MTTP: variants seen among roughly 807,000 people sequenced by gnomAD.
The protein encoded by MTTP is microsomal triglyceride transfer protein, also known as microsomal triglyceride transfer protein large subunit.
Under a neutral mutation model 90.6 loss-of-function variants are expected in MTTP, and 49 were observed. The ratio of observed to expected loss-of-function variants is 0.54; its 90% CI spans 0.43 to 0.69. MTTP has a LOEUF of 0.69. MTTP is among the 30% of genes least tolerant of loss of function. The pLI is 0.00. For missense variants in MTTP, 945 were observed against 1,067.5 expected, an observed-to-expected ratio of 0.89 and a Z score of 1.60; for synonymous variants, 347 against 384.2, an observed-to-expected ratio of 0.90 and a Z score of 1.13.
At chr4:99,609,112 C>T in intron 12 of MTTP, 135 bp downstream of exon 12, 2 of 866,770 alleles carry the variant, frequency 2.3e-6, no homozygotes, top group Admixed American at 3.9e-5. Context: ...GCCAGATTTC[C>T]CATAATAGGG....
At chr4:99,606,546 T>A (rs571501726) in intron 10 of MTTP, among the ~76,000 whole-genome samples, 2 of 152,304 alleles carry the variant, frequency 1.3e-5, no homozygotes, top group South Asian at 4.1e-4. Flanking sequence ...AGAATGTATA[T>A]GTATTTTTTT....
chr4:99,607,565 A>G (rs1211511173), intron 11 of MTTP, among the ~76,000 whole-genome samples: 2 of 152,198 alleles, frequency 1.3e-5, no homozygotes, highest in African/African-American at 4.8e-5. Context: ...ACATCTACAT[A>G]TCTGAGAGCA....
At position 99,601,671 on chromosome 4, in the gene MTTP, C is replaced by T. The variant is rs1467372840; in HGVS notation, c.1301C>T (p.Thr434Ile). 2.1e-5 allele frequency: 34 copies of T among 1,612,914 alleles called. No individual in the cohort carries two copies. The Admixed American group carries it at 5.0e-4, about 24-fold the overall frequency. The change falls in exon 10 of 18, where the codon ACA (threonine) becomes ATA (isoleucine). Residue 434 changes from threonine to isoleucine, a missense_variant. Thr to Ile is a moderately conservative substitution (Grantham distance 89). Transcript: ENST00000265517. ...IRETVMIITG[T>I]LVRKLCQNEG... is the part of the protein sequence containing the mutation. Reference sequence around the variant, plus strand: ...GAAACTGTTATGATCATCACTGGGACACTTGTCAGAAAGTTGTGTCAGAAT... The same window carrying T: ...GAAACTGTTATGATCATCACTGGGATACTTGTCAGAAAGTTGTGTCAGAAT...
At chr4:99,593,868 A>G (rs1013721663) in intron 6 of MTTP, among the ~76,000 whole-genome samples, 6 of 152,202 alleles carry the variant, frequency 3.9e-5, no homozygotes, top group Admixed American at 3.3e-4. Context: ...ATTGCTATGT[A>G]ACAACCCCAG....
chr4:99,618,946 T>C, intron 15 of MTTP, 28 bp from the exon 16 acceptor site: 1 of 1,606,994 alleles, frequency 6.2e-7, no homozygotes, highest in Non-Finnish European at 8.5e-7. Context: ...ATTATTTTTA[T>C]AACTATTATT....
intron 8 of MTTP, among the ~76,000 whole-genome samples, 158 bp from the exon 9 acceptor site, chr4:99,600,407 T>G (rs1364201597): frequency 6.6e-6 from 1 of 152,056 alleles, no homozygotes; most frequent in East Asian, 1.9e-4. Flanking sequence ...GGGAGGGGTC[T>G]TTTTGAGAAA....
At chr4:99,601,262 G>A (rs531737868) in intron 9 of MTTP, among the ~76,000 whole-genome samples, 14 of 148,610 alleles carry the variant, frequency 9.4e-5, no homozygotes, top group African/African-American at 3.4e-4. Flanking sequence ...TTCAGAATCT[G>A]ATAAAAGTGA....
chr4:99,609,884 T>G (rs1482677937), intron 12 of MTTP, among the ~76,000 whole-genome samples: 1 of 152,140 alleles, frequency 6.6e-6, no homozygotes, highest in Admixed American at 6.5e-5. Context: ...AGCTTCTCCA[T>G]TTCTTTGTTT....
chr4:99,591,591 C>G, intron 5 of MTTP, 60 bp from the exon 6 acceptor site: 1 of 1,555,756 alleles, frequency 6.4e-7, no homozygotes. Context: ...TGCTATTTGA[C>G]TTGATTCAAT....
chr4:99,591,909 T>C (rs1235578889), intron 6 of MTTP, 119 bp downstream of exon 6: 6 of 905,210 alleles, frequency 6.6e-6, no homozygotes, highest in Non-Finnish European at 1.0e-5. Context: ...CATGCATTGC[T>C]TAACAATGGG....
chr4:99,587,958 G>C (rs1468940857), intron 3 of MTTP, among the ~76,000 whole-genome samples: 1 of 152,110 alleles, frequency 6.6e-6, no homozygotes, highest in Non-Finnish European at 1.5e-5. Context: ...AGACACTGAG[G>C]TCATTATTCC....
At chr4:99,619,384 C>A (rs1314313516) in intron 16 of MTTP, among the ~76,000 whole-genome samples, 1 of 152,008 alleles carries the variant, frequency 6.6e-6, no homozygotes, top group Non-Finnish European at 1.5e-5. Flanking sequence ...TTTTGGTATT[C>A]CACCAAGAGA....
At chr4:99,574,582 C>G, upstream of MTTP, 1 of 450,156 alleles carries the variant, frequency 2.2e-6, no homozygotes, top group East Asian at 4.8e-5. Flanking sequence ...TTGAATGCCC[C>G]TCAGTACTTC....
chr4:99,597,594 T>C (rs956069965), intron 8 of MTTP, among the ~76,000 whole-genome samples: 1 of 152,174 alleles, frequency 6.6e-6, no homozygotes, highest in Admixed American at 6.5e-5. Context: ...CCTGAACAGA[T>C]TTGAGTTCAT....
At chr4:99,593,999 T>A (rs1725489770) in intron 6 of MTTP, among the ~76,000 whole-genome samples, 2 of 152,212 alleles carry the variant, frequency 1.3e-5, no homozygotes, top group South Asian at 4.2e-4. Flanking sequence ...CAAAGGTGGT[T>A]CCCCCATGTA....
chr4:99,607,108 T>C (rs908058817), intron 11 of MTTP, 148 bp downstream of exon 11: 3 of 713,088 alleles, frequency 4.2e-6, no homozygotes, highest in African/African-American at 1.8e-5. Context: ...TAAATTGCAT[T>C]TGCGGCTATT....
intron 10 of MTTP, among the ~76,000 whole-genome samples, chr4:99,604,366 T>C (rs1466460775): frequency 6.6e-6 from 1 of 152,132 alleles, no homozygotes; most frequent in Non-Finnish European, 1.5e-5. Context: ...CTTTTTTATG[T>C]TTGTCTTTTG....
At chr4:99,620,652 C>CA (rs1314179844) in intron 16 of MTTP, among the ~76,000 whole-genome samples, 1 of 152,156 alleles carries the variant, frequency 6.6e-6, no homozygotes, top group Non-Finnish European at 1.5e-5. Flanking sequence ...AGATAGTTAA[C>CA]AAAAAACTAT....
At chr4:99,583,674 C>T (rs1725184733) in intron 3 of MTTP, 157 bp downstream of exon 3, 1 of 894,052 alleles carries the variant, frequency 1.1e-6, no homozygotes, top group Non-Finnish European at 1.8e-6. Flanking sequence ...TAAATGTTTC[C>T]AAACTGAATC....
Sources: allele counts gnomAD v4.1 joint callset (sites outside exome capture counted in the v4.1 genomes callset), GRCh38; gene constraint gnomAD v4.1.1; transcripts MANE v1.5; gene names NCBI Gene and HGNC (gene_info 2026-07-23, HGNC 2026-07-21).